POLQ: variants seen among roughly 807,000 people sequenced by gnomAD.
The protein encoded by POLQ is DNA polymerase theta.
POLQ carries 233 observed loss-of-function variants against 259.2 expected under a neutral mutation model. The observed-to-expected ratio is 0.90, with a 90% CI of 0.81 to 1.00. POLQ has a LOEUF of 1.00. Ranked by LOEUF, POLQ falls within the 50% of genes least tolerant of loss-of-function variation. POLQ has a pLI of 0.00. For missense variants in POLQ, 2,871 were observed against 3,051.6 expected (o/e 0.94, Z 1.39); for synonymous variants, 1,025 against 1,048.8 (o/e 0.98, Z 0.44).
intron 7 of POLQ, among the ~76,000 whole-genome samples, chr3:121,526,330 C>G (rs1056498979): frequency 2.0e-5 from 3 of 152,188 alleles, no homozygotes; most frequent in African/African-American, 7.2e-5. Context: ...AGACTGGCAA[C>G]CAGTGTTTAT....
intron 10 of POLQ, 78 bp from the exon 11 acceptor site, chr3:121,510,321 T>C (rs2048244769): frequency 1.0e-6 from 1 of 968,830 alleles, no homozygotes; most frequent in Non-Finnish European, 1.6e-6. Flanking sequence ...CTCATGCCTG[T>C]AATCCCAGCA....
chr3:121,464,511 TTGA>T (rs1201415365), intron 24 of POLQ, among the ~76,000 whole-genome samples: 2 of 152,216 alleles, frequency 1.3e-5, no homozygotes, highest in African/African-American at 4.8e-5. Flanking sequence ...TGCTCTGATG[TTGA>T]TGAATTTAGA....
rs373917854 is a variant in POLQ at position 121,481,589 on chromosome 3, T to C, written c.6194A>G (p.Gln2065Arg). The change falls in exon 19 of 30, where the codon CAG becomes CGG. Residue 2065 changes from glutamine (Q) to arginine (R), a missense_variant. This residue lies in a region of POLQ where 2,080 missense variants were observed against 2,126.0 expected (regional missense o/e 0.98). Coordinates refer to ENST00000264233, the MANE Select transcript of POLQ (RefSeq NM_199420.4). ...NSMNQLNSLL[Q>R]KENLQDVFRK... ...GTTTTTACCTTGAAGGTTTTCCTTC[T>C]GCAACAAAGAGTTGAGCTGATTCAT... 6.3e-7 allele frequency: 1 copy of C among 1,596,916 alleles called. No homozygotes were observed. Among genetic ancestry groups the C allele is most frequent in the Non-Finnish European group, 8.5e-7 (1 of 1,170,196 alleles).
Position 121,513,126 on chromosome 3 carries a change from T to C in POLQ, c.1469-1097A>G, listed in dbSNP as rs1335671521. On this transcript the variant is annotated intron_variant, in intron 9 of 29. Coordinates refer to ENST00000264233, the MANE Select transcript of POLQ (RefSeq NM_199420.4). ...GTTCAAAAAGACAAATGAAGAATAC[T>C]TTTTTTTTTAAATAAAACTGGCACA... is the stretch of plus-strand genomic sequence containing the variant. Among the ~76,000 whole-genome samples the C allele has an allele frequency of 4.0e-5, 6 of 148,420 alleles. No individual in the cohort carries two copies. In the Admixed American group the frequency reaches 4.0e-4, roughly 10 times the overall value.
At position 121,521,181 on chromosome 3, in the gene POLQ, AG is replaced by A. The variant is rs577043784; in HGVS notation, c.1255+821del. On this transcript the variant is annotated intron_variant, in intron 8 of 29. Coordinates refer to ENST00000264233, the MANE Select transcript of POLQ (RefSeq NM_199420.4). ...AAATTCCAGAAATAAGCAACTCATA[AG>A]TTTTAAATTGCATGTCCTACCACCC... Among the ~76,000 whole-genome samples the A allele has an allele frequency of 3.3e-5, 5 of 152,298 alleles. No homozygotes were observed. The South Asian group carries it at 1.0e-3, about 32-fold the overall frequency.
chr3:121,511,901 G>A lies in POLQ; in HGVS notation c.1597C>T (p.Arg533Ter), dbSNP rs140829355. 3.9e-5 allele frequency: 63 copies of A among 1,613,294 alleles called. No individual in the cohort carries two copies. The highest frequency in any genetic ancestry group is 1.6e-4 in the African/African-American group (12 of 74,984). ...TTCTCTCTTACCTCCAGAATAGCTC[G>A]TATCATGCTGCCAGTTACTTCTTCT... ...EGEEVTGSMI[R>*]AILEIIVGGV... The change falls in exon 10 of 30, where the codon CGA (arginine) becomes TGA (stop). Residue 533 changes from arginine to a stop codon, truncating the protein, a stop_gained. Coordinates refer to ENST00000264233, the MANE Select transcript of POLQ (RefSeq NM_199420.4). LOFTEE classifies it high-confidence loss of function.
chr3:121,480,033 A>AC (rs547275477), intron 19 of POLQ, among the ~76,000 whole-genome samples: 20 of 152,098 alleles, frequency 1.3e-4, no homozygotes, highest in African/African-American at 4.3e-4. Context: ...TAACAAATAA[A>AC]CCAGAGACGT....
At chr3:121,512,303 T>G (rs2048261647) in intron 9 of POLQ, among the ~76,000 whole-genome samples, 1 of 152,230 alleles carries the variant, frequency 6.6e-6, no homozygotes, top group Admixed American at 6.5e-5. Flanking sequence ...TCTCCCTATC[T>G]GCCTAAAAGC....
chr3:121,530,925 G>A (rs1487579138), intron 6 of POLQ, among the ~76,000 whole-genome samples: 2 of 152,230 alleles, frequency 1.3e-5, no homozygotes, highest in South Asian at 2.1e-4. Context: ...GGGACAGGGC[G>A]CAGTGGCTCA....
At chr3:121,471,722 G>A (rs893596859) in intron 22 of POLQ, among the ~76,000 whole-genome samples, 2 of 151,974 alleles carry the variant, frequency 1.3e-5, no homozygotes, top group East Asian at 1.9e-4. Flanking sequence ...TCGTGCCACC[G>A]CACTCCAGCC....
At chr3:121,506,010 G>A (rs1347059320) in intron 12 of POLQ, among the ~76,000 whole-genome samples, 2 of 113,956 alleles carry the variant, frequency 1.8e-5, no homozygotes, top group African/African-American at 6.8e-5. Flanking sequence ...TGACAAGAGC[G>A]AAACTCCATC....
intron 12 of POLQ, among the ~76,000 whole-genome samples, chr3:121,499,348 G>A (rs1023691128): frequency 6.6e-6 from 1 of 150,380 alleles, no homozygotes; most frequent in African/African-American, 2.5e-5. Flanking sequence ...AACCTCCTGT[G>A]CTCAAGCAAT....
intron 25 of POLQ, among the ~76,000 whole-genome samples, chr3:121,452,043 G>A (rs927509668): frequency 1.3e-5 from 2 of 152,148 alleles, no homozygotes; most frequent in Non-Finnish European, 2.9e-5. Flanking sequence ...AGACTGCTGT[G>A]CTAGCAATGA....
At chr3:121,434,423 A>G (rs1049901364) in intron 28 of POLQ, among the ~76,000 whole-genome samples, 3 of 152,216 alleles carry the variant, frequency 2.0e-5, no homozygotes, top group Non-Finnish European at 4.4e-5. Context: ...TCCTTTCTTA[A>G]ATAGAACTTA....
At chr3:121,467,744 A>G (rs1230705711) in intron 23 of POLQ, 104 bp from the exon 24 acceptor site, 23 of 1,228,686 alleles carry the variant, frequency 1.9e-5, no homozygotes, top group Non-Finnish European at 2.6e-5. Flanking sequence ...GAAACTTAAT[A>G]AAAACCTTAC....
intron 27 of POLQ, 45 bp downstream of exon 27, chr3:121,439,947 G>C: frequency 6.6e-7 from 1 of 1,524,884 alleles, no homozygotes; most frequent in Non-Finnish European, 9.1e-7. Flanking sequence ...AAAAGTACAT[G>C]TCATTGAAAT....
chr3:121,443,215 C>A (rs1413217104), intron 26 of POLQ, among the ~76,000 whole-genome samples: 10 of 152,224 alleles, frequency 6.6e-5, no homozygotes, highest in Non-Finnish European at 1.5e-4. Context: ...AATTTACATT[C>A]CCACCAAAGG....
At chr3:121,462,187 A>C (rs1294162029) in intron 24 of POLQ, among the ~76,000 whole-genome samples, 1 of 152,202 alleles carries the variant, frequency 6.6e-6, no homozygotes, top group East Asian at 1.9e-4. Context: ...CACACAAGGG[A>C]TACTCAAACT....
chr3:121,496,855 T>A lies in POLQ; in HGVS notation c.2231A>T (p.Asn744Ile), dbSNP rs778246724. 6.2e-7 allele frequency: 1 copy of A among 1,613,912 alleles called. No individual in the cohort carries two copies. Residue 744 changes from asparagine to isoleucine, a missense_variant, in exon 14 of 30, where the codon AAT becomes ATT. This residue lies in a region of POLQ where 783 missense variants were observed against 906.2 expected (regional missense o/e 0.86). Coordinates refer to ENST00000264233, the MANE Select transcript of POLQ (RefSeq NM_199420.4). Reference sequence around the variant, plus strand: ...TTGCAAAGATTGAATCTGCCCACGATTGCATCCATATTTCTGATTTATTTC... The same window carrying A: ...TTGCAAAGATTGAATCTGCCCACGAATGCATCCATATTTCTGATTTATTTC... ...LREINQKYGC[N>I]RGQIQSLQQS...
Sources: gnomAD v4.1 joint callset for allele counts (sites outside exome capture counted in the v4.1 genomes callset) on GRCh38, gnomAD v4.1.1 for gene constraint, gnomAD v4.1.1 regional missense constraint, MANE v1.5 for transcripts, NCBI Gene and HGNC (gene_info 2026-07-23, HGNC 2026-07-21) for gene names.